The following VPS33B variants were observed in gnomAD, a reference collection of about 807,000 sequenced individuals.
VPS33B encodes the protein VPS33B late endosome and lysosome associated, also known as vacuolar protein sorting-associated protein 33B.
In VPS33B, 80 loss-of-function variants were observed where a neutral mutation model predicts 95.3. The observed-to-expected ratio is 0.84, with a 90% confidence interval of 0.70 to 1.01. VPS33B has a LOEUF of 1.01. Among genes scored for constraint, VPS33B ranks in the 50% least tolerant of loss-of-function variants. VPS33B has a pLI of 0.00. For missense variants in VPS33B, 715 were observed against 773.4 expected (o/e 0.92, Z 0.90); for synonymous variants, 280 against 280.4 (o/e 1.00, Z 0.01).
Position 91,006,970 on chromosome 15 carries a change from T to G in VPS33B, c.680A>C (p.His227Pro), listed in dbSNP as rs760894269. The G allele has an allele frequency of 2.5e-6, 4 of 1,614,190 alleles. No individual in the cohort carries two copies. The highest frequency in any genetic ancestry group is 1.6e-4 in the Middle Eastern group (1 of 6,062). The change falls in exon 9 of 23, where the codon CAT becomes CCT. Residue 227 changes from histidine (H) to proline (P), a missense_variant. By Grantham distance (77) the His-to-Pro change is moderately conservative. Transcript: ENST00000333371. This position sits in a 1 kb window ranked among gnomAD's most constrained non-coding sequence, Gnocchi z 5.4. ...ETKGRRPEIGHIFLLDRDVDF... is the reference protein window; with the variant it reads ...ETKGRRPEIGPIFLLDRDVDF... Reference sequence around the variant, plus strand: ...TTTACCTCTGTCCAAGAGAAAGATATGTCCAATCTCTGGCCTTCGGCCCTT... The same window carrying G: ...TTTACCTCTGTCCAAGAGAAAGATAGGTCCAATCTCTGGCCTTCGGCCCTT...
rs896655202 is a variant in VPS33B, at chr15:90,999,567, C to T, written c.1774+110G>A. 2.6e-6 allele frequency: 3 copies of T among 1,154,114 alleles called. No individual in the cohort carries two copies. The highest frequency in any genetic ancestry group is 3.9e-6 in the Non-Finnish European group (3 of 771,758). 71.5% of individuals were successfully genotyped at this position (1,154,114 alleles called of 1,614,324 possible). ...CTCCTGACCTCAGGTGATCTGCCCG[C>T]CTCCGCCTCCCAAAGTGCTGAGATT... On this transcript the variant is annotated intron_variant, in intron 22 of 22. Coordinates refer to ENST00000333371, the MANE Select transcript of VPS33B (RefSeq NM_018668.5). The surrounding 1 kb of genome is among the most constrained non-coding windows in gnomAD (Gnocchi z 5.1).
In VPS33B at chr15:91,009,286, TTTTC is replaced by T. The variant is rs1399807389; in HGVS notation, c.403+511_403+514del. Among the ~76,000 whole-genome samples, 7 of 133,962 alleles carry T rather than the reference TTTTC, an allele frequency of 5.2e-5. No homozygotes were observed. The highest frequency in any genetic ancestry group is 9.0e-5 in the Non-Finnish European group (6 of 66,358). The allele number at this position is 133,962 out of a possible 152,430, so 87.9% of individuals were successfully genotyped here. On this transcript the variant is annotated intron_variant, in intron 6 of 22. Transcript: ENST00000333371. This position sits in a 1 kb window ranked among gnomAD's most constrained non-coding sequence, Gnocchi z 4.1. ...CTCTCTCTTTCTCTCTTTTCTTTTA[TTTTC>T]TTTCTCTCTCTCTTTCTTTCTTCCT...
intron 19 of VPS33B, 26 bp downstream of exon 19, chr15:91,001,363 C>A (rs762059850): frequency 6.3e-7 from 1 of 1,580,594 alleles, no homozygotes; most frequent in South Asian, 1.1e-5. Flanking sequence ...CCCACTGTCT[C>A]CCCTAACCAT....
rs955501635 is a variant in VPS33B, at chr15:91,013,710, C to T, written c.357+94G>A. 181 of 1,328,288 alleles carry T rather than the reference C, an allele frequency of 1.4e-4. No homozygotes were observed. The highest frequency in any genetic ancestry group is 1.8e-4 in the Non-Finnish European group (167 of 923,164). 82.3% of individuals were successfully genotyped at this position (1,328,288 alleles called of 1,614,324 possible). ...TTCTGTTACAGCAACAGAAAACGAA[C>T]GGAGACAGGGAGGTAGTGCTGTTGG... is the stretch of plus-strand genomic sequence containing the variant. On this transcript the variant is annotated intron_variant, in intron 5 of 22. Transcript: ENST00000333371. This position sits in a 1 kb window ranked among gnomAD's most constrained non-coding sequence, Gnocchi z 4.5.
At chr15:91,003,860 G>C (rs1253998717) in intron 16 of VPS33B, among the ~76,000 whole-genome samples, 1 of 152,172 alleles carries the variant, frequency 6.6e-6, no homozygotes, top group Non-Finnish European at 1.5e-5. Context: ...TTTCTCCATA[G>C]AGGTAATAAT....
chr15:91,020,368 C>G lies in VPS33B; in HGVS notation c.96+1786G>C, dbSNP rs184069114. ...ATATTTCAAGCTGAATAGCAGTGCA[C>G]ATTAACAAAAATTAAGTCAGAAGTT... On this transcript the variant is annotated intron_variant, in intron 1 of 22. Transcript: ENST00000333371. 1.8e-4 allele frequency among the ~76,000 whole-genome samples: 27 copies of G among 152,240 alleles called. No individual in the cohort carries two copies. In the East Asian group the frequency reaches 4.4e-3, roughly 25 times the overall value.
chr15:91,002,963 G>T lies in VPS33B; in HGVS notation c.1272+122C>A. The T allele has an allele frequency of 9.5e-7, 1 of 1,054,170 alleles. No individual in the cohort carries two copies. The highest frequency in any genetic ancestry group is 1.5e-6 in the Non-Finnish European group (1 of 672,584). 65.3% of individuals were successfully genotyped at this position (1,054,170 alleles called of 1,614,324 possible). On this transcript the variant is annotated intron_variant, in intron 17 of 22. Coordinates refer to ENST00000333371, the MANE Select transcript of VPS33B (RefSeq NM_018668.5). This position sits in a 1 kb window ranked among gnomAD's most constrained non-coding sequence, Gnocchi z 4.7. ...TCTCCCTAGTAGCTCTAAGAGGGAG[G>T]CCTGAATGGAAACAGGAGGGTAATG...
chr15:91,008,892 C>T (rs1019343278), intron 6 of VPS33B, among the ~76,000 whole-genome samples: 1 of 152,042 alleles, frequency 6.6e-6, no homozygotes, highest in Non-Finnish European at 1.5e-5. Flanking sequence ...GGGTGGAGAA[C>T]GTTCTGGGTA....
Position 91,002,244 on chromosome 15 carries a change from A to G in VPS33B, c.1273-62T>C. The G allele has an allele frequency of 1.9e-6, 3 of 1,604,650 alleles. No homozygotes were observed. Among genetic ancestry groups the G allele is most frequent in the East Asian group, 2.2e-5 (1 of 44,732 alleles). The stretch of plus-strand genomic sequence containing the variant: ...CAAAGAGCATCTAGTACTGTCAGGT[A>G]CTACAGAGTTGAGCAGAAGGACTAT... On this transcript the variant is annotated intron_variant, in intron 17 of 22. Coordinates refer to ENST00000333371, the MANE Select transcript of VPS33B (RefSeq NM_018668.5). This position sits in a 1 kb window ranked among gnomAD's most constrained non-coding sequence, Gnocchi z 4.7.
Position 90,999,892 on chromosome 15 carries a change from C to T in VPS33B, c.1657+8G>A. 1 of 1,614,226 alleles carries T rather than the reference C, an allele frequency of 6.2e-7. No individual in the cohort carries two copies. Among genetic ancestry groups the T allele is most frequent in the Non-Finnish European group, 8.5e-7 (1 of 1,180,038 alleles). ...CTGCCAGCCTACCCCACTGTTAATG[C>T]CACATACCTGTGAATGCAAAGTCAC... On this transcript the variant is annotated splice_region_variant and intron_variant, in intron 21 of 22. Transcript: ENST00000333371. This position sits in a 1 kb window ranked among gnomAD's most constrained non-coding sequence, Gnocchi z 5.1.
Position 91,006,983 on chromosome 15 carries a change from G to A in VPS33B, c.667C>T (p.Pro223Ser), listed in dbSNP as rs759790277. The part of the protein sequence containing the change: ...EEDGETKGRR[P>S]EIGHIFLLDR... The stretch of plus-strand genomic sequence containing the variant: ...AAGAGAAAGATATGTCCAATCTCTG[G>A]CCTTCGGCCCTTGGTTTCGCCATCC... The change falls in exon 9 of 23, where the codon CCA becomes TCA. Residue 223 changes from proline to serine, a missense_variant. Physicochemically the swap from Pro to Ser is moderately conservative, Grantham distance 74. Transcript: ENST00000333371. The surrounding 1 kb of genome is among the most constrained non-coding windows in gnomAD (Gnocchi z 5.4). 6.2e-7 allele frequency: 1 copy of A among 1,613,988 alleles called. No homozygotes were observed. The highest frequency in any genetic ancestry group is 2.2e-5 in the East Asian group (1 of 44,882).
At position 91,014,430 on chromosome 15, in the gene VPS33B, CA is replaced by C. The variant is rs1064793614; in HGVS notation, c.242del (p.Leu81CysfsTer33). ...TGATGCGGGGTCTGACCAAGAAGCA[CA>C]ATCTATGAGAGAGAAAGAAAAAAAA... ...NKPALSSNEQLCFLVRPRIKN... is the reference protein window; with the variant it reads ...NKPALSSNEQXCFLVRPRIKN... On this transcript the variant is annotated frameshift_variant and splice_region_variant, in exon 4 of 23. Coordinates refer to ENST00000333371, the MANE Select transcript of VPS33B (RefSeq NM_018668.5). LOFTEE classifies it high-confidence loss of function. 3 of 1,612,336 alleles carry C rather than the reference CA, an allele frequency of 1.9e-6. No homozygotes were observed. The highest frequency in any genetic ancestry group is 4.5e-5 in the East Asian group (2 of 44,870).
rs1370724460 is a variant in VPS33B at position 91,010,755 on chromosome 15, G to A, written c.358-909C>T. 6.6e-6 allele frequency among the ~76,000 whole-genome samples: 1 copy of A among 152,196 alleles called. No individual in the cohort carries two copies. Among genetic ancestry groups the A allele is most frequent in the East Asian group, 1.9e-4 (1 of 5,190 alleles). ...AGAATACTCAGAGAAGCAGGGGCAG[G>A]AGAAAACAGCAACAGTCAAGGCAGG... is the stretch of plus-strand genomic sequence containing the variant. On this transcript the variant is annotated intron_variant, in intron 5 of 22. Coordinates refer to ENST00000333371, the MANE Select transcript of VPS33B (RefSeq NM_018668.5). The surrounding 1 kb of genome is among the most constrained non-coding windows in gnomAD (Gnocchi z 5.7).
In VPS33B at chr15:91,007,673, G is replaced by A; in HGVS notation, c.499-100C>T. 1 of 1,360,428 alleles carries A rather than the reference G, an allele frequency of 7.4e-7. No homozygotes were observed. Among genetic ancestry groups the A allele is most frequent in the African/African-American group, 1.4e-5 (1 of 69,936 alleles). 84.3% of individuals were successfully genotyped at this position (1,360,428 alleles called of 1,614,324 possible). ...GCCCTGGAGCAGGGTGGCAGGGCCT[G>A]GGGGATGCTTGAAAGGTTTTCATTG... On this transcript the variant is annotated intron_variant, in intron 7 of 22. Transcript: ENST00000333371. The surrounding 1 kb of genome is among the most constrained non-coding windows in gnomAD (Gnocchi z 5.3).
rs1254787642 is a variant in VPS33B, at chr15:91,018,409, C to CT, written c.97-525dup. 6.6e-6 allele frequency among the ~76,000 whole-genome samples: 1 copy of CT among 152,188 alleles called. No homozygotes were observed. Among genetic ancestry groups the CT allele is most frequent in the African/African-American group, 2.4e-5 (1 of 41,444 alleles). On this transcript the variant is annotated intron_variant, in intron 1 of 22. Transcript: ENST00000333371. This position sits in a 1 kb window ranked among gnomAD's most constrained non-coding sequence, Gnocchi z 4.7. ...TCATACGATTCCTGCACCACCACTCCTGACACCGATCTCAATGTCTGTTCA... is the reference window on the plus strand; with the variant it reads ...TCATACGATTCCTGCACCACCACTCCTTGACACCGATCTCAATGTCTGTTCA...
At chr15:91,021,182 A>G (rs2041091067) in intron 1 of VPS33B, among the ~76,000 whole-genome samples, 2 of 152,210 alleles carry the variant, frequency 1.3e-5, no homozygotes, top group Non-Finnish European at 1.5e-5. Context: ...CTAGGTACTC[A>G]CTAGGTAGTG....
chr15:91,022,058 G>T, intron 1 of VPS33B, 96 bp downstream of exon 1: 3 of 1,389,528 alleles, frequency 2.2e-6, no homozygotes, highest in Non-Finnish European at 3.0e-6. Context: ...AATACCAGGG[G>T]CCAAGAACAA....
chr15:91,006,889 C>T lies in VPS33B; in HGVS notation c.700+61G>A, dbSNP rs1432921934. The T allele has an allele frequency of 6.2e-7, 1 of 1,608,386 alleles. No individual in the cohort carries two copies. Among genetic ancestry groups the T allele is most frequent in the Admixed American group, 1.7e-5 (1 of 60,026 alleles). On this transcript the variant is annotated intron_variant, in intron 9 of 22. Transcript: ENST00000333371. This position sits in a 1 kb window ranked among gnomAD's most constrained non-coding sequence, Gnocchi z 5.4. ...TTAGGATTTTAACTTTGCCACCACG[C>T]CTTCCATATTCCCGTGTCTTCTAGG... is the stretch of plus-strand genomic sequence containing the variant.
chr15:91,002,209 A>T lies in VPS33B; in HGVS notation c.1273-27T>A. ...TGAAGAAGATGCAATTAGACTATTT[A>T]CTGAGTGTCCAAAGAGCATCTAGTA... is the stretch of plus-strand genomic sequence containing the variant. On this transcript the variant is annotated intron_variant, in intron 17 of 22. Transcript: ENST00000333371. This position sits in a 1 kb window ranked among gnomAD's most constrained non-coding sequence, Gnocchi z 4.7. 1 of 1,613,696 alleles carries T rather than the reference A, an allele frequency of 6.2e-7. No individual in the cohort carries two copies. The highest frequency in any genetic ancestry group is 8.5e-7 in the Non-Finnish European group (1 of 1,179,860).
Sources: gnomAD v4.1 joint callset for allele counts (sites outside exome capture counted in the v4.1 genomes callset) on GRCh38, gnomAD v4.1.1 for gene constraint, Gnocchi (gnomAD v3.1) non-coding constraint, MANE v1.5 for transcripts, NCBI Gene and HGNC (gene_info 2026-07-23, HGNC 2026-07-21) for gene names.